The following IGF2BP1 variants were observed in gnomAD, a reference collection of about 807,000 sequenced individuals.
IGF2BP1 encodes the protein insulin-like growth factor 2 mRNA-binding protein 1.
A neutral mutation model predicts 74.9 loss-of-function variants in IGF2BP1; 11 were observed. The ratio of observed to expected loss-of-function variants is 0.15; its 90% CI spans 0.09 to 0.24. The LOEUF is 0.24. IGF2BP1 is among the 10% of genes least tolerant of loss of function. IGF2BP1 has a pLI of 1.00. For synonymous variants in IGF2BP1, 287 were observed against 281.8 expected (o/e 1.02, Z -0.18); for missense variants, 440 against 757.4 (o/e 0.58, Z 4.92).
At chr17:49,010,207 A>C (rs1418592888) in intron 2 of IGF2BP1, among the ~76,000 whole-genome samples, 1 of 151,580 alleles carries the variant, frequency 6.6e-6, no homozygotes, top group African/African-American at 2.4e-5. Flanking sequence ...TAACTTACCC[A>C]TTCCTCCTTC....
intron 4 of IGF2BP1, among the ~76,000 whole-genome samples, chr17:49,027,221 C>T (rs2041868822): frequency 6.6e-6 from 1 of 152,192 alleles, no homozygotes; most frequent in African/African-American, 2.4e-5. Flanking sequence ...AACAAAGCCA[C>T]TCCTTCCCAG....
intron 5 of IGF2BP1, chr17:49,037,255 C>T: frequency 2.3e-6 from 1 of 443,960 alleles, no homozygotes; most frequent in Non-Finnish European, 4.3e-6. Flanking sequence ...AACTCTGGAA[C>T]CCTTACGGTA....
At chr17:49,031,845 T>G in intron 4 of IGF2BP1, 65 bp from the exon 5 acceptor site, 1 of 1,390,652 alleles carries the variant, frequency 7.2e-7, no homozygotes, top group Non-Finnish European at 1.0e-6. Flanking sequence ...AAGCTGGAGT[T>G]GGGGATTCAT....
At chr17:49,026,624 CCTTCCTTCCT>C (rs2041857660) in intron 4 of IGF2BP1, 107 bp downstream of exon 4, 1 of 478,412 alleles carries the variant, frequency 2.1e-6, no homozygotes. Context: ...TTCCTTCCTT[CCTTCCTTCCT>C]GCCTTCCTTC....
chr17:49,032,118 A>G, intron 5 of IGF2BP1, 145 bp downstream of exon 5: 1 of 652,636 alleles, frequency 1.5e-6, no homozygotes, highest in Non-Finnish European at 2.7e-6. Flanking sequence ...AGCCAAACCT[A>G]GAATCTTCCA....
At chr17:49,043,860 T>A in intron 10 of IGF2BP1, 107 bp from the exon 11 acceptor site, 1 of 1,486,940 alleles carries the variant, frequency 6.7e-7, no homozygotes. Flanking sequence ...AGGGTGGCGG[T>A]TTGGTGCCTG....
chr17:49,041,626 A>ACGGGTCAGTATTTCATCATGGAACCTTG, intron 8 of IGF2BP1, 126 bp downstream of exon 8: 1 of 1,295,384 alleles, frequency 7.7e-7, no homozygotes. Context: ...CTTGAAGAAA[A>ACGGGTCAGTATTTCATCATGGAACCTTG]ACAGTCGAAG....
intron 5 of IGF2BP1, among the ~76,000 whole-genome samples, 198 bp downstream of exon 5, chr17:49,032,171 A>AG (rs1390417703): frequency 6.6e-6 from 1 of 152,142 alleles, no homozygotes; most frequent in Non-Finnish European, 1.5e-5. Flanking sequence ...CCATTGTTTC[A>AG]GGGATCTCAA....
intron 3 of IGF2BP1, 86 bp downstream of exon 3, chr17:49,025,752 T>C (rs922606099): frequency 1.3e-5 from 17 of 1,276,986 alleles, no homozygotes; most frequent in East Asian, 7.1e-5. Flanking sequence ...CCAGAAATGA[T>C]TGGGGAGGTC....
At chr17:49,043,338 T>C (rs1427694187) in intron 9 of IGF2BP1, 90 bp from the exon 10 acceptor site, 3 of 1,497,162 alleles carry the variant, frequency 2.0e-6, no homozygotes, top group Non-Finnish European at 2.7e-6. Context: ...CCCACTTGCC[T>C]CTGGGGCTAC....
intron 4 of IGF2BP1, among the ~76,000 whole-genome samples, chr17:49,027,867 A>G (rs991256023): frequency 6.7e-6 from 1 of 149,258 alleles, no homozygotes; most frequent in Non-Finnish European, 1.5e-5. Flanking sequence ...AAAAAAAAAA[A>G]AAAAAAAAAA....
In IGF2BP1 at chr17:49,056,048, A is replaced by C. The variant is rs1172883659; in HGVS notation, c.*6604A>C. 4.0e-5 allele frequency among the ~76,000 whole-genome samples: 6 copies of C among 151,664 alleles called. No individual in the cohort carries two copies. The highest frequency in any genetic ancestry group is 3.9e-4 in the Admixed American group (6 of 15,216). Reference sequence around the variant, plus strand: ...TTTGTTCTTTGATGGATGAACGAACACTCCAGTTTTCTTTCCCGTGAAGGT... The same window carrying C: ...TTTGTTCTTTGATGGATGAACGAACCCTCCAGTTTTCTTTCCCGTGAAGGT... On this transcript the variant is annotated 3_prime_UTR_variant, in exon 15 of 15. Coordinates refer to ENST00000290341, the MANE Select transcript of IGF2BP1 (RefSeq NM_006546.4).
chr17:49,049,247 A>T, intron 14 of IGF2BP1, 105 bp from the exon 15 acceptor site: 1 of 842,644 alleles, frequency 1.2e-6, no homozygotes, highest in Non-Finnish European at 2.0e-6. Context: ...GTCCTGTGTG[A>T]CCTGTTCTGT....
chr17:49,013,735 G>C (rs964379458), intron 2 of IGF2BP1: 7 of 152,354 alleles, frequency 4.6e-5, no homozygotes, highest in African/African-American at 1.7e-4. Context: ...TCGACCGGCC[G>C]GTGGCTCTGC....
At chr17:49,020,715 A>G (rs2041781453) in intron 2 of IGF2BP1, among the ~76,000 whole-genome samples, 1 of 152,228 alleles carries the variant, frequency 6.6e-6, no homozygotes, top group African/African-American at 2.4e-5. Flanking sequence ...CGATAAATCA[A>G]AACATCCCAC....
intron 4 of IGF2BP1, among the ~76,000 whole-genome samples, chr17:49,028,165 A>G (rs571838321): frequency 6.6e-6 from 1 of 152,346 alleles, no homozygotes; most frequent in African/African-American, 2.4e-5. Context: ...TATTGTCTCA[A>G]AAACAAAACA....
chr17:48,997,073 C>T (rs962432074), upstream of IGF2BP1, among the ~76,000 whole-genome samples: 14 of 151,720 alleles, frequency 9.2e-5, no homozygotes, highest in African/African-American at 3.1e-4. The surrounding 1 kb of genome is among the most constrained non-coding windows in gnomAD (Gnocchi z 4.8). Context: ...ACATTTTACC[C>T]TTTAAGACAT....
chr17:49,024,013 T>C (rs2041822083), intron 2 of IGF2BP1, among the ~76,000 whole-genome samples: 1 of 150,982 alleles, frequency 6.6e-6, no homozygotes, highest in African/African-American at 2.4e-5. Flanking sequence ...GCCTCCCTGG[T>C]TCAAGCGATC....
chr17:49,032,405 A>T (rs559807747), intron 5 of IGF2BP1, among the ~76,000 whole-genome samples: 2 of 152,026 alleles, frequency 1.3e-5, no homozygotes, highest in South Asian at 4.2e-4. Flanking sequence ...GGATGCTGGG[A>T]CATTTTATTG....
Sources: gnomAD v4.1 joint callset for allele counts (sites outside exome capture counted in the v4.1 genomes callset) on GRCh38, gnomAD v4.1.1 for gene constraint, Gnocchi (gnomAD v3.1) non-coding constraint, MANE v1.5 for transcripts, NCBI Gene and HGNC (gene_info 2026-07-23, HGNC 2026-07-21) for gene names.